Variants in GLIS3 observed in about 807,000 individuals in gnomAD.
GLIS3 encodes the protein zinc finger protein GLIS3.
GLIS3 carries 53 observed loss-of-function variants against 78.6 expected under a neutral mutation model. The ratio of observed to expected loss-of-function variants is 0.67; its 90% confidence interval spans 0.54 to 0.85. The LOEUF (loss-of-function observed/expected upper bound fraction) is 0.85. GLIS3 is among the 40% of genes least tolerant of loss of function. GLIS3 has a pLI of 0.00. For missense variants in GLIS3, 1,703 were observed against 1,231.1 expected, an observed-to-expected ratio of 1.38 and a Z score of -5.74; for synonymous variants, 684 against 509.9, an observed-to-expected ratio of 1.34 and a Z score of -4.60.
chr9:3,922,695 ACT>A (rs900988675), intron 6 of GLIS3, among the ~76,000 whole-genome samples: 3 of 152,130 alleles, frequency 2.0e-5, no homozygotes, highest in Non-Finnish European at 4.4e-5. Context: ...GTGTTCACAA[ACT>A]CTGCTACCAA....
At chr9:4,087,273 T>G (rs936395146) in intron 4 of GLIS3, among the ~76,000 whole-genome samples, 1 of 152,168 alleles carries the variant, frequency 6.6e-6, no homozygotes, top group African/African-American at 2.4e-5. Context: ...ATTTAGGCCA[T>G]GGATAAACAT....
chr9:3,880,910 T>C (rs766484544), intron 7 of GLIS3, among the ~76,000 whole-genome samples: 1 of 152,218 alleles, frequency 6.6e-6, no homozygotes, highest in Non-Finnish European at 1.5e-5. Context: ...ACTCTTGTCC[T>C]CAGAAGCCTG....
chr9:3,838,888 C>T (rs10973736), intron 9 of GLIS3, among the ~76,000 whole-genome samples: 29,469 of 151,938 alleles, frequency 0.19, 3,252 homozygotes, highest in Non-Finnish European at 0.24. Context: ...CTGTAATCCA[C>T]GACAGACCCA....
the GLIS3 span, among the ~76,000 whole-genome samples, chr9:4,426,569 T>C: frequency 0.059 from 9,028 of 152,328 alleles, 343 homozygotes; most frequent in Admixed American, 0.11. Flanking sequence ...CTATAGAGCT[T>C]TTCCTGAGCC....
At chr9:4,479,842 C>T in the GLIS3 span, among the ~76,000 whole-genome samples, 3 of 151,628 alleles carry the variant, frequency 2.0e-5, no homozygotes, top group Admixed American at 1.3e-4. Context: ...GGACCACCAT[C>T]GCTTCTCCTG....
At position 4,053,705 on chromosome 9, in the gene GLIS3, T is replaced by TAAAA. The variant is rs760535978; in HGVS notation, c.1710+64059_1710+64062dup. Among the ~76,000 whole-genome samples the TAAAA allele has an allele frequency of 6.6e-3, 603 of 91,148 alleles. 16 individuals carry two copies. Among genetic ancestry groups the TAAAA allele is most frequent in the Middle Eastern group, 0.049 (6 of 122 alleles). 59.8% of individuals were successfully genotyped at this position (91,148 alleles called of 152,430 possible). ...AGTGCCTACTTGTTTTCTTTCTTCA[T>TAAAA]AAAAAAAAAAAAAAAAAATTCTGGA... is the stretch of plus-strand genomic sequence containing the variant. On this transcript the variant is annotated intron_variant, in intron 4 of 10. Coordinates refer to ENST00000381971, the MANE Select transcript of GLIS3 (RefSeq NM_001042413.2).
At chr9:4,330,526 G>C (rs565133644) in intron 2 of GLIS3, among the ~76,000 whole-genome samples, 9 of 152,324 alleles carry the variant, frequency 5.9e-5, no homozygotes, top group Non-Finnish European at 1.2e-4. Context: ...CACTTAGGTG[G>C]AGGGAGATGA....
intron 4 of GLIS3, among the ~76,000 whole-genome samples, chr9:4,067,564 G>A (rs920970933): frequency 2.6e-5 from 4 of 151,998 alleles, no homozygotes; most frequent in African/African-American, 9.7e-5. Context: ...GCAAAAAAAG[G>A]AGAATATTTT....
At chr9:3,908,384 A>G (rs1453255692) in intron 6 of GLIS3, among the ~76,000 whole-genome samples, 3 of 152,222 alleles carry the variant, frequency 2.0e-5, no homozygotes, top group Admixed American at 6.5e-5. Flanking sequence ...GCTCATGGAC[A>G]TAGACTTGTG....
chr9:4,285,984 G>A (rs771778968), intron 2 of GLIS3, 54 bp downstream of exon 2: 19 of 1,601,370 alleles, frequency 1.2e-5, no homozygotes, highest in South Asian at 2.2e-5. Flanking sequence ...AAAATGGGAT[G>A]GGGGAGAAAA....
At chr9:4,359,214 C>T in the GLIS3 span, among the ~76,000 whole-genome samples, 9 of 152,146 alleles carry the variant, frequency 5.9e-5, no homozygotes, top group Non-Finnish European at 2.9e-5. Context: ...CTGCATACAC[C>T]GAGATGAGCG....
upstream of GLIS3, among the ~76,000 whole-genome samples, chr9:4,300,269 G>C (rs1411833569): frequency 6.6e-6 from 1 of 151,712 alleles, no homozygotes. Flanking sequence ...CAGAAGTCGA[G>C]GAACTCCAGA....
intron 8 of GLIS3, among the ~76,000 whole-genome samples, chr9:3,876,364 A>G (rs1009999256): frequency 4.3e-4 from 65 of 152,118 alleles, no homozygotes; most frequent in African/African-American, 1.6e-3. Context: ...AGATCCCTGA[A>G]TCACAAAAAG....
At chr9:4,064,957 T>C (rs16920558) in intron 4 of GLIS3, among the ~76,000 whole-genome samples, 268 of 152,262 alleles carry the variant, frequency 1.8e-3, no homozygotes, top group African/African-American at 6.0e-3. Flanking sequence ...AGCACCACCA[T>C]TCATCCTCCA....
chr9:3,876,916 C>T (rs4741862), intron 8 of GLIS3, among the ~76,000 whole-genome samples: 150,375 of 151,904 alleles, frequency 0.99, 74,450 homozygotes, highest in East Asian at 1. Flanking sequence ...AGTTAGCAAC[C>T]GTCAGAACTG....
intron 1 of GLIS3, among the ~76,000 whole-genome samples, chr9:4,347,428 T>A (rs1464757824): frequency 6.6e-6 from 1 of 152,044 alleles, no homozygotes; most frequent in Non-Finnish European, 1.5e-5. Context: ...TATAGCAACC[T>A]GAAAAAATCT....
At chr9:4,278,969 C>T (rs968535437) in intron 2 of GLIS3, among the ~76,000 whole-genome samples, 1 of 152,104 alleles carries the variant, frequency 6.6e-6, no homozygotes, top group Non-Finnish European at 1.5e-5. Flanking sequence ...ATCAGACAAA[C>T]CAGAGTGTGG....
At chr9:4,144,361 T>G (rs1012568446) in intron 2 of GLIS3, among the ~76,000 whole-genome samples, 1 of 152,188 alleles carries the variant, frequency 6.6e-6, no homozygotes, top group East Asian at 1.9e-4. Context: ...GGTTATAACA[T>G]GCATTTTACT....
At chr9:4,049,174 A>C (rs1374515559) in intron 4 of GLIS3, among the ~76,000 whole-genome samples, 3 of 152,114 alleles carry the variant, frequency 2.0e-5, no homozygotes, top group Non-Finnish European at 4.4e-5. Flanking sequence ...GATAGGAACT[A>C]CTCCAGAAGT....
Sources: gnomAD v4.1 joint callset for allele counts (sites outside exome capture counted in the v4.1 genomes callset) on GRCh38, gnomAD v4.1.1 for gene constraint, MANE v1.5 for transcripts, NCBI Gene and HGNC (gene_info 2026-07-23, HGNC 2026-07-21) for gene names.